The following SLC26A2 variants were observed in gnomAD, a reference collection of about 807,000 sequenced individuals.
The protein encoded by SLC26A2 is sulfate transporter.
A neutral mutation model predicts 41.1 loss-of-function variants in SLC26A2; 36 were observed. That is an observed-to-expected ratio of 0.88 (90% CI 0.67 to 1.16). The LOEUF (loss-of-function observed/expected upper bound fraction) is 1.16, where lower values mean the gene tolerates loss of function less well. Ranked by LOEUF, SLC26A2 falls within the 50% of genes most tolerant of loss-of-function variation. SLC26A2 has a pLI of 0.00. For missense variants in SLC26A2, 796 were observed against 869.6 expected, an observed-to-expected ratio of 0.92 and a Z score of 1.07; for synonymous variants, 291 against 311.6, an observed-to-expected ratio of 0.93 and a Z score of 0.70.
In SLC26A2 at chr5:149,981,806, G is replaced by C; in HGVS notation, c.2213G>C (p.Ser738Thr). 5 of 1,607,796 alleles carry C rather than the reference G, an allele frequency of 3.1e-6. No homozygotes were observed. Among genetic ancestry groups the C allele is most frequent in the Non-Finnish European group, 4.3e-6 (5 of 1,175,264 alleles). The part of the protein sequence containing the change: ...VCVPNGLSLS[S>T]D ...GTTCCCAATGGTCTGAGTCTTAGTA[G>C]TGATTAATTGAGAAGGTAGATAGAA... Residue 738 changes from serine (S) to threonine (T), a missense_variant, in exon 3 of 3, where the codon AGT becomes ACT. Ser to Thr is a moderately conservative substitution (Grantham distance 58, BLOSUM62 1). Transcript: ENST00000286298.
rs1175447922 is a variant in SLC26A2, at chr5:149,980,509, A to T, written c.916A>T (p.Ile306Phe). 2 of 1,614,200 alleles carry T rather than the reference A, an allele frequency of 1.2e-6. No individual in the cohort carries two copies. Among genetic ancestry groups the T allele is most frequent in the Non-Finnish European group, 1.7e-6 (2 of 1,180,018 alleles). Residue 306 changes from isoleucine (I) to phenylalanine (F), a missense_variant, in exon 3 of 3, where the codon ATC (isoleucine) becomes TTC (phenylalanine). Coordinates refer to ENST00000286298, the MANE Select transcript of SLC26A2 (RefSeq NM_000112.4). ...NIHKTNLCDL[I>F]TSLLCLLVLL... ...CCATAAGACCAATCTCTGTGATCTT[A>T]TCACCAGCCTTTTGTGCCTTTTGGT...
chr5:149,964,876 G>A (rs1023861012), intron 1 of SLC26A2, among the ~76,000 whole-genome samples: 2 of 152,154 alleles, frequency 1.3e-5, no homozygotes, highest in African/African-American at 4.8e-5. Context: ...TTTTCTGCAA[G>A]TCCACAGTTA....
In SLC26A2 at chr5:149,960,824, C is replaced by T. The variant is rs565395470; in HGVS notation, c.-181C>T. 3 of 152,374 alleles carry T rather than the reference C, an allele frequency of 2.0e-5. No individual in the cohort carries two copies. Among genetic ancestry groups the T allele is most frequent in the Admixed American group, 6.5e-5 (1 of 15,294 alleles). The allele number at this position is 152,374 out of a possible 1,614,324, so 9.4% of individuals were successfully genotyped here. On this transcript the variant is annotated 5_prime_UTR_variant, in exon 1 of 3. Transcript: ENST00000286298. The stretch of plus-strand genomic sequence containing the variant: ...TCCTCGCCGCGCCCGTAGGTCCCGG[C>T]AGCCGGGCCCCGCCTCCTTCGGAGT...
At position 149,985,173 on chromosome 5, in the gene SLC26A2, A is replaced by AT. The variant is rs1456468427; in HGVS notation, c.*3362dup. The AT allele has an allele frequency of 6.6e-6, 1 of 152,252 alleles. No homozygotes were observed. Among genetic ancestry groups the AT allele is most frequent in the Non-Finnish European group, 1.5e-5 (1 of 68,100 alleles). The allele number at this position is 152,252 out of a possible 1,614,324, so 9.4% of individuals were successfully genotyped here. A position where few individuals can be genotyped will look rare whatever the true frequency, so the allele number is the denominator to read the frequency against. The stretch of plus-strand genomic sequence containing the variant: ...GAAGGGGAGGGTCACAGGGTCACAG[A>AT]TTCACCAAAGCTGAAAGGGCTGAGG... On this transcript the variant is annotated 3_prime_UTR_variant, in exon 3 of 3. Transcript: ENST00000286298.
At position 149,981,010 on chromosome 5, in the gene SLC26A2, C is replaced by G; in HGVS notation, c.1417C>G (p.Pro473Ala). 6.2e-7 allele frequency: 1 copy of G among 1,614,122 alleles called. No individual in the cohort carries two copies. Among genetic ancestry groups the G allele is most frequent in the Non-Finnish European group, 8.5e-7 (1 of 1,180,008 alleles). ...TTTGTTGGTCCTCCTAGTAATAGCTCCTTTGTTCTATTCCCTTCAAAAAAG... is the reference window on the plus strand; with the variant it reads ...TTTGTTGGTCCTCCTAGTAATAGCTGCTTTGTTCTATTCCCTTCAAAAAAG... ...VLLLVLLVIA[P>A]LFYSLQKSVL... Residue 473 changes from proline to alanine, a missense_variant, in exon 3 of 3, where the codon CCT becomes GCT. Physicochemically the swap from Pro to Ala is conservative, Grantham distance 27 (BLOSUM62 -1). Coordinates refer to ENST00000286298, the MANE Select transcript of SLC26A2 (RefSeq NM_000112.4).
At chr5:149,971,140 G>A (rs1754892341) in intron 1 of SLC26A2, among the ~76,000 whole-genome samples, 1 of 152,160 alleles carries the variant, frequency 6.6e-6, no homozygotes, top group Non-Finnish European at 1.5e-5. Flanking sequence ...TCCTCCAAAG[G>A]ATCCTTTTCC....
In SLC26A2 at chr5:149,981,974, G is replaced by A. The variant is rs1755116388; in HGVS notation, c.*161G>A. 1 of 603,994 alleles carries A rather than the reference G, an allele frequency of 1.7e-6. No homozygotes were observed. The highest frequency in any genetic ancestry group is 3.1e-5 in the Admixed American group (1 of 32,764). The allele number at this position is 603,994 out of a possible 1,614,324, so 37.4% of individuals were successfully genotyped here. ...CTAATGGCATTTGTATATACACACT[G>A]CAGCAGAGCTTGTAGCTGGACAGAG... On this transcript the variant is annotated 3_prime_UTR_variant, in exon 3 of 3. Coordinates refer to ENST00000286298, the MANE Select transcript of SLC26A2 (RefSeq NM_000112.4).
intron 1 of SLC26A2, among the ~76,000 whole-genome samples, chr5:149,962,642 A>G (rs571723683): frequency 6.6e-6 from 1 of 152,118 alleles, no homozygotes; most frequent in South Asian, 2.1e-4. Flanking sequence ...CCCTGCCCAC[A>G]CTTTTATTTT....
chr5:149,977,856 G>A lies in SLC26A2; in HGVS notation c.204G>A (p.Glu68=), dbSNP rs754399633. The change falls in exon 2 of 3, where the codon GAG becomes GAA. Residue 68 remains glutamate (E), a synonymous_variant. Transcript: ENST00000286298. ...RQEKSDTNFK[E]FVIKKLQKNC... is the part of the protein sequence containing the mutation. ...AGAAATCAGATACAAACTTCAAGGA[G>A]TTTGTTATTAAAAAGCTGCAGAAGA... is the stretch of plus-strand genomic sequence containing the variant. 3.1e-6 allele frequency: 5 copies of A among 1,614,050 alleles called. No homozygotes were observed. Among genetic ancestry groups the A allele is most frequent in the African/African-American group, 1.3e-5 (1 of 74,924 alleles).
intron 1 of SLC26A2, among the ~76,000 whole-genome samples, chr5:149,965,211 G>A (rs146502152): frequency 9.5e-4 from 145 of 152,200 alleles, no homozygotes; most frequent in African/African-American, 3.2e-3. Flanking sequence ...GGCTGGGCGC[G>A]GTGGCTCACG....
intron 1 of SLC26A2, among the ~76,000 whole-genome samples, chr5:149,975,412 G>T (rs1156888085): frequency 6.6e-6 from 1 of 152,138 alleles, no homozygotes; most frequent in Admixed American, 6.5e-5. Context: ...GCAAGATTTG[G>T]ATTCCCTTAG....
At chr5:149,978,437 C>A (rs1581231025) in intron 2 of SLC26A2, 86 bp downstream of exon 2, 2 of 1,123,846 alleles carry the variant, frequency 1.8e-6, no homozygotes, top group East Asian at 4.8e-5. Context: ...TGAGGAATCA[C>A]AATAATTAAA....
Position 149,986,563 on chromosome 5 carries a change from G to A in SLC26A2, c.*4750G>A, listed in dbSNP as rs1435172383. The A allele has an allele frequency of 6.6e-6, 1 of 152,162 alleles. No individual in the cohort carries two copies. The allele number at this position is 152,162 out of a possible 1,614,324, so 9.4% of individuals were successfully genotyped here. ...GGACTTAAAAAAAAGTTTTGCAACT[G>A]AAATTTTAAAGTAAACATGTTAAGT... On this transcript the variant is annotated 3_prime_UTR_variant, in exon 3 of 3. Transcript: ENST00000286298.
At chr5:149,968,556 G>A (rs1011967193) in intron 1 of SLC26A2, among the ~76,000 whole-genome samples, 3 of 148,282 alleles carry the variant, frequency 2.0e-5, no homozygotes, top group Non-Finnish European at 4.4e-5. Context: ...GACTACAGGC[G>A]CCCGCCACCA....
At chr5:149,973,950 C>G (rs975549651) in intron 1 of SLC26A2, among the ~76,000 whole-genome samples, 2 of 152,086 alleles carry the variant, frequency 1.3e-5, no homozygotes, top group African/African-American at 4.8e-5. Context: ...TGGGAACCAG[C>G]CTGGGGAGCT....
intron 1 of SLC26A2, among the ~76,000 whole-genome samples, chr5:149,967,607 G>A (rs1029601835): frequency 4.6e-5 from 7 of 152,116 alleles, no homozygotes; most frequent in African/African-American, 9.7e-5. Flanking sequence ...CATGAAGTAC[G>A]TGCACAATGG....
intron 1 of SLC26A2, among the ~76,000 whole-genome samples, chr5:149,966,190 C>T (rs1754802599): frequency 6.6e-6 from 1 of 152,216 alleles, no homozygotes; most frequent in African/African-American, 2.4e-5. Context: ...TAGTTGTAAA[C>T]CACTGGTACC....
chr5:149,974,181 G>A (rs989146736), intron 1 of SLC26A2, among the ~76,000 whole-genome samples: 7 of 152,116 alleles, frequency 4.6e-5, no homozygotes, highest in African/African-American at 1.7e-4. Context: ...TTGATACAAA[G>A]ATACCACTCC....
chr5:149,975,297 A>AC (rs1754974805), intron 1 of SLC26A2, among the ~76,000 whole-genome samples: 1 of 151,850 alleles, frequency 6.6e-6, no homozygotes, highest in African/African-American at 2.4e-5. Flanking sequence ...TGTGTTTTTC[A>AC]CTTTTAGCAT....
Sources: gnomAD v4.1 joint callset for allele counts (sites outside exome capture counted in the v4.1 genomes callset) on GRCh38, gnomAD v4.1.1 for gene constraint, MANE v1.5 for transcripts, NCBI Gene and HGNC (gene_info 2026-07-23, HGNC 2026-07-21) for gene names.